The following ZNF385B variants were observed in gnomAD, a reference collection of about 807,000 sequenced individuals.
The protein encoded by ZNF385B is zinc finger protein 385B.
Under a neutral mutation model 39.2 loss-of-function variants are expected in ZNF385B, and 23 were observed. The observed-to-expected ratio is 0.59, with a 90% CI of 0.42 to 0.83. ZNF385B has a LOEUF of 0.83. ZNF385B is among the 40% of genes least tolerant of loss of function. ZNF385B has a pLI of 0.00. For missense variants in ZNF385B, 552 were observed against 598.9 expected, an observed-to-expected ratio of 0.92 and a Z score of 0.82; for synonymous variants, 205 against 222.6, an observed-to-expected ratio of 0.92 and a Z score of 0.70.
At chr2:179,472,402 T>C (rs2052870965) in intron 6 of ZNF385B, among the ~76,000 whole-genome samples, 1 of 152,216 alleles carries the variant, frequency 6.6e-6, no homozygotes. Context: ...AACAATGATA[T>C]TGTGCTAGGG....
chr2:179,692,243 G>A (rs116199516), intron 3 of ZNF385B, among the ~76,000 whole-genome samples: 1 of 152,230 alleles, frequency 6.6e-6, no homozygotes, highest in African/African-American at 2.4e-5. Flanking sequence ...CCCACTTGCT[G>A]AGTCATTTTG....
intron 6 of ZNF385B, chr2:179,480,881 G>A (rs1420818242): frequency 6.6e-6 from 1 of 152,100 alleles, no homozygotes; most frequent in Non-Finnish European, 1.5e-5. Flanking sequence ...CATGAAAAAT[G>A]AGATAACCTC....
chr2:179,841,154 G>C (rs781225745), intron 1 of ZNF385B, among the ~76,000 whole-genome samples: 7 of 152,146 alleles, frequency 4.6e-5, no homozygotes, highest in Non-Finnish European at 8.8e-5. Flanking sequence ...CAGAGAAAAA[G>C]GTAATCAATT....
At chr2:179,767,524 A>T (rs1050003711) in intron 3 of ZNF385B, among the ~76,000 whole-genome samples, 4 of 152,212 alleles carry the variant, frequency 2.6e-5, no homozygotes, top group African/African-American at 9.6e-5. Context: ...CTGAATACAC[A>T]AAAGTGAGAA....
At chr2:179,807,331 C>T (rs1413538521) in intron 1 of ZNF385B, among the ~76,000 whole-genome samples, 1 of 152,190 alleles carries the variant, frequency 6.6e-6, no homozygotes, top group African/African-American at 2.4e-5. Flanking sequence ...GGCACGGTGG[C>T]TCACATCTAT....
chr2:179,683,856 T>C (rs1697725014), intron 3 of ZNF385B, among the ~76,000 whole-genome samples: 1 of 152,206 alleles, frequency 6.6e-6, no homozygotes, highest in Non-Finnish European at 1.5e-5. Context: ...TTTCTAACCA[T>C]GTCATTGGCA....
At chr2:179,669,779 A>G (rs1455623786) in intron 3 of ZNF385B, among the ~76,000 whole-genome samples, 2 of 152,226 alleles carry the variant, frequency 1.3e-5, no homozygotes, top group African/African-American at 4.8e-5. Flanking sequence ...TGAGAAACTG[A>G]TGAACATTTC....
At chr2:179,815,427 A>G (rs554105999) in intron 1 of ZNF385B, among the ~76,000 whole-genome samples, 6 of 152,346 alleles carry the variant, frequency 3.9e-5, no homozygotes, top group Middle Eastern at 3.4e-3. Context: ...GAACTTGAGA[A>G]GAATGATAAA....
At chr2:179,543,688 C>G (rs111293488) in intron 4 of ZNF385B, among the ~76,000 whole-genome samples, 2 of 151,822 alleles carry the variant, frequency 1.3e-5, no homozygotes, top group Non-Finnish European at 2.9e-5. Context: ...AACTGTTTGA[C>G]TTGTCTCTGA....
In ZNF385B at chr2:179,804,440, C is replaced by T. The variant is rs140148265; in HGVS notation, c.-154-33768G>A. Among the ~76,000 whole-genome samples the T allele has an allele frequency of 4.8e-4, 73 of 152,238 alleles. 1 individual carries two copies. Among genetic ancestry groups the T allele is most frequent in the African/African-American group, 1.6e-3 (68 of 41,552 alleles). On this transcript the variant is annotated intron_variant, in intron 1 of 9. Transcript: ENST00000410066. The stretch of plus-strand genomic sequence containing the variant: ...CATGACATACACAGTCTGTGGGAGG[C>T]AAGATATAATATGGCATAAACGTTT...
intron 3 of ZNF385B, among the ~76,000 whole-genome samples, chr2:179,634,689 A>C (rs371534315): frequency 2.0e-5 from 3 of 152,128 alleles, no homozygotes; most frequent in African/African-American, 7.2e-5. Context: ...TTGACCCAGC[A>C]ATCCCATTAC....
At chr2:179,578,687 G>A (rs1686137181) in intron 3 of ZNF385B, among the ~76,000 whole-genome samples, 1 of 152,042 alleles carries the variant, frequency 6.6e-6, no homozygotes, top group Non-Finnish European at 1.5e-5. Context: ...GTGGGAAACA[G>A]TTCTTTTGCC....
In ZNF385B at chr2:179,731,688, G is replaced by A. The variant is rs1701400899; in HGVS notation, c.298+37815C>T. On this transcript the variant is annotated intron_variant, in intron 3 of 9. Coordinates refer to ENST00000410066, the MANE Select transcript of ZNF385B (RefSeq NM_152520.6). Reference sequence around the variant, plus strand: ...TGTATTCCCAGCTACTCAGGAGGTTGGAGTGAGAGGATCATTTGAGCCCAG... The same window carrying A: ...TGTATTCCCAGCTACTCAGGAGGTTAGAGTGAGAGGATCATTTGAGCCCAG... Among the ~76,000 whole-genome samples, 3 of 152,190 alleles carry A rather than the reference G, an allele frequency of 2.0e-5. No homozygotes were observed. The South Asian group carries it at 6.2e-4, about 32-fold the overall frequency.
At chr2:179,752,170 T>C (rs1702719247) in intron 3 of ZNF385B, among the ~76,000 whole-genome samples, 1 of 152,026 alleles carries the variant, frequency 6.6e-6, no homozygotes, top group South Asian at 2.1e-4. Context: ...CACCTATGAG[T>C]GAGAACACGT....
chr2:179,506,354 T>C (rs915501176), intron 5 of ZNF385B, among the ~76,000 whole-genome samples: 7 of 151,616 alleles, frequency 4.6e-5, no homozygotes, highest in African/African-American at 1.5e-4. Flanking sequence ...ACTTATTTGG[T>C]AAATATAAAT....
At chr2:179,501,778 T>C (rs1469343155) in intron 5 of ZNF385B, among the ~76,000 whole-genome samples, 2 of 152,170 alleles carry the variant, frequency 1.3e-5, no homozygotes, top group Non-Finnish European at 2.9e-5. Flanking sequence ...CTTGAGGGGA[T>C]AGCTACCCCA....
intron 3 of ZNF385B, among the ~76,000 whole-genome samples, chr2:179,629,765 A>G (rs1691021239): frequency 6.6e-6 from 1 of 152,158 alleles, no homozygotes; most frequent in South Asian, 2.1e-4. Flanking sequence ...TTTCCTAGCC[A>G]AGGGAAGCCG....
At chr2:179,703,223 C>T (rs146941621) in intron 3 of ZNF385B, among the ~76,000 whole-genome samples, 87 of 152,316 alleles carry the variant, frequency 5.7e-4, no homozygotes, top group African/African-American at 1.6e-3. Context: ...CTTTGCTACT[C>T]CTCCAACCTA....
chr2:179,610,118 A>G (rs1689165259), intron 3 of ZNF385B, among the ~76,000 whole-genome samples: 1 of 152,050 alleles, frequency 6.6e-6, no homozygotes, highest in Non-Finnish European at 1.5e-5. Flanking sequence ...GTTGGCTATT[A>G]CTCAAGAAAT....
Sources: gnomAD v4.1 joint callset for allele counts (sites outside exome capture counted in the v4.1 genomes callset) on GRCh38, gnomAD v4.1.1 for gene constraint, MANE v1.5 for transcripts, NCBI Gene and HGNC (gene_info 2026-07-23, HGNC 2026-07-21) for gene names.